HOTAIR: variants seen among roughly 807,000 people sequenced by gnomAD.
HOTAIR encodes the protein HOX transcript antisense RNA, also known as HOX transcript antisense RNA (non-protein coding).
chr12:53,963,791 C>G (rs1024758974), exon 7 of HOTAIR: 2 of 152,226 alleles, frequency 1.3e-5, no homozygotes, highest in African/African-American at 4.8e-5. Context: ...GCCCCGGCAC[C>G]CGCTCAGGTT....
At chr12:53,974,926 C>A in exon 1 of HOTAIR, 1 of 499,702 alleles carries the variant, frequency 2.0e-6, no homozygotes, top group Non-Finnish European at 3.5e-6. Context: ...GTCCCAGACC[C>A]TGTCAGCCGC....
intron 5 of HOTAIR, among the ~76,000 whole-genome samples, chr12:53,965,297 C>T (rs12315856): frequency 1.3e-5 from 2 of 152,220 alleles, no homozygotes; most frequent in African/African-American, 2.4e-5. Flanking sequence ...CCATGCCCCC[C>T]CAGCCTGAGG....
At chr12:53,966,835 G>T (rs1348987815) in intron 3 of HOTAIR, among the ~76,000 whole-genome samples, 1 of 152,110 alleles carries the variant, frequency 6.6e-6, no homozygotes, top group African/African-American at 2.4e-5. Flanking sequence ...CCGGCCCGGC[G>T]AGACCGAAAG....
intron 3 of HOTAIR, chr12:53,966,403 G>A (rs1343718372): frequency 2.6e-5 from 4 of 152,238 alleles, no homozygotes; most frequent in African/African-American, 9.7e-5. Flanking sequence ...AAAATTAAAC[G>A]TCATAAAGAA....
At chr12:53,965,328 C>T (rs1939032027) in intron 5 of HOTAIR, among the ~76,000 whole-genome samples, 1 of 152,246 alleles carries the variant, frequency 6.6e-6, no homozygotes, top group South Asian at 2.1e-4. Context: ...AGTCCAAGGC[C>T]ACTAGGGTCA....
chr12:53,968,491 G>A (rs1939092808), intron 2 of HOTAIR: 2 of 152,246 alleles, frequency 1.3e-5, no homozygotes, highest in Admixed American at 1.3e-4. Flanking sequence ...CTCAACTTCT[G>A]ACTGTAGTGA....
Position 53,973,923 on chromosome 12 carries a change from A to G in HOTAIR, n.59+975T>C. ...GGAGCCGGCCAAAGGAGCCGCCCCC[A>G]GTAGGTAGCAGCGGCCGGGGAACGG... On this transcript the variant is annotated intron_variant and non_coding_transcript_variant, in intron 1 of 6. Transcript: ENST00000424518. This position sits in a 1 kb window ranked among gnomAD's most constrained non-coding sequence, Gnocchi z 4.3. 1 of 1,436,186 alleles carries G rather than the reference A, an allele frequency of 7.0e-7. No homozygotes were observed. Among genetic ancestry groups the G allele is most frequent in the Non-Finnish European group, 9.2e-7 (1 of 1,092,502 alleles). The allele number at this position is 1,436,186 out of a possible 1,614,324, so 89.0% of individuals were successfully genotyped here.
intron 1 of HOTAIR, among the ~76,000 whole-genome samples, chr12:53,969,933 A>G (rs942919578): frequency 1.3e-5 from 2 of 152,218 alleles, no homozygotes; most frequent in African/African-American, 2.4e-5. Context: ...GGAGGCCCCA[A>G]CGCTGTGTGC....
chr12:53,970,525 T>C (rs1939132152), intron 1 of HOTAIR, among the ~76,000 whole-genome samples: 1 of 152,212 alleles, frequency 6.6e-6, no homozygotes, highest in East Asian at 1.9e-4. Flanking sequence ...TAGAGGTTTT[T>C]TGATTTGTTG....
rs1327023817 is a variant in HOTAIR, at chr12:53,969,316, A to G, written n.60-560T>C. 3.9e-5 allele frequency among the ~76,000 whole-genome samples: 6 copies of G among 152,322 alleles called. No individual in the cohort carries two copies. In the East Asian group the frequency reaches 1.2e-3, roughly 29 times the overall value. ...GAAGAAATAGGGTCGGGTTGCTAGC[A>G]TCCTGGGACAATCTCTCCACAGAGG... On this transcript the variant is annotated intron_variant and non_coding_transcript_variant, in intron 1 of 6. Transcript: ENST00000424518.
In HOTAIR at chr12:53,973,156, A is replaced by G; in HGVS notation, n.59+1742T>C. On this transcript the variant is annotated intron_variant and non_coding_transcript_variant, in intron 1 of 6. Coordinates refer to ENST00000424518, the Ensembl canonical transcript of HOTAIR. The surrounding 1 kb of genome is among the most constrained non-coding windows in gnomAD (Gnocchi z 4.3). ...CAGAGAGAGAGAGACTAAGACGGAT[A>G]ACGCGTCATCTCGCCTTCCCAAATT... 1.0e-6 allele frequency: 1 copy of G among 974,888 alleles called. No homozygotes were observed. 60.4% of individuals were successfully genotyped at this position (974,888 alleles called of 1,614,324 possible).
chr12:53,973,416 A>C lies in HOTAIR; in HGVS notation n.59+1482T>G. ...CCTGCCCCAGGCCCCCTCTCGTCAG[A>C]TCTCCTATCCCTACTCGGCCCAAGT... On this transcript the variant is annotated intron_variant and non_coding_transcript_variant, in intron 1 of 6. Coordinates refer to ENST00000424518, the Ensembl canonical transcript of HOTAIR. The surrounding 1 kb of genome is among the most constrained non-coding windows in gnomAD (Gnocchi z 4.3). 6.2e-7 allele frequency: 1 copy of C among 1,613,852 alleles called. No homozygotes were observed. The highest frequency in any genetic ancestry group is 2.2e-5 in the East Asian group (1 of 44,840).
rs1244870714 is a variant in HOTAIR, at chr12:53,965,233, A to G, written n.551+731T>C. Among the ~76,000 whole-genome samples the G allele has an allele frequency of 3.9e-5, 6 of 152,266 alleles. No homozygotes were observed. In the East Asian group the frequency reaches 1.2e-3, roughly 29 times the overall value. ...AGAGAAGGGTGAACCACAATTTGGT[A>G]CTTGAACTCTGCTCCCCTCCCCATA... On this transcript the variant is annotated intron_variant and non_coding_transcript_variant, in intron 5 of 6. Transcript: ENST00000424518.
intron 4 of HOTAIR, chr12:53,966,215 C>T (rs1939050202): frequency 6.6e-6 from 1 of 152,116 alleles, no homozygotes; most frequent in Admixed American, 6.6e-5. Flanking sequence ...CCCTTCCCTC[C>T]CTCCTTCCTC....
In HOTAIR at chr12:53,973,248, A is replaced by G. The variant is rs1310789581; in HGVS notation, n.59+1650T>C. On this transcript the variant is annotated intron_variant and non_coding_transcript_variant, in intron 1 of 6. Coordinates refer to ENST00000424518, the Ensembl canonical transcript of HOTAIR. The surrounding 1 kb of genome is among the most constrained non-coding windows in gnomAD (Gnocchi z 4.3). ...CCGGCAGGAGAGGAGAACGATGTTT[A>G]ACTCGGTCAACCTGGGCAACTTCTG... 6.3e-7 allele frequency: 1 copy of G among 1,594,504 alleles called. No individual in the cohort carries two copies. The highest frequency in any genetic ancestry group is 1.1e-5 in the South Asian group (1 of 87,682).
At chr12:53,971,128 C>T (rs1330163968) in intron 1 of HOTAIR, among the ~76,000 whole-genome samples, 1 of 152,170 alleles carries the variant, frequency 6.6e-6, no homozygotes, top group Non-Finnish European at 1.5e-5. Flanking sequence ...ATGCTGGCCC[C>T]ATCTCACTCT....
rs1237833961 is a variant in HOTAIR, at chr12:53,973,257, A to G, written n.59+1641T>C. The G allele has an allele frequency of 6.9e-6, 11 of 1,605,508 alleles. No individual in the cohort carries two copies. Among genetic ancestry groups the G allele is most frequent in the Non-Finnish European group, 9.3e-6 (11 of 1,176,742 alleles). On this transcript the variant is annotated intron_variant and non_coding_transcript_variant, in intron 1 of 6. Transcript: ENST00000424518. The surrounding 1 kb of genome is among the most constrained non-coding windows in gnomAD (Gnocchi z 4.3). ...GAGGAGAACGATGTTTAACTCGGTC[A>G]ACCTGGGCAACTTCTGCTCTCCGTC...
Position 53,973,598 on chromosome 12 carries a change from C to T in HOTAIR, n.59+1300G>A, listed in dbSNP as rs1939188015. ...CCGAGATCCTCATGAAAAACGAAGG[C>T]TCCTACGGCGGCCACCACCACCCCA... On this transcript the variant is annotated intron_variant and non_coding_transcript_variant, in intron 1 of 6. Transcript: ENST00000424518. This position sits in a 1 kb window ranked among gnomAD's most constrained non-coding sequence, Gnocchi z 4.3. The T allele has an allele frequency of 2.5e-6, 4 of 1,613,502 alleles. No individual in the cohort carries two copies. Among genetic ancestry groups the T allele is most frequent in the Admixed American group, 1.7e-5 (1 of 59,998 alleles).
intron 1 of HOTAIR, among the ~76,000 whole-genome samples, chr12:53,974,315 G>A (rs1438607163): frequency 2.6e-5 from 4 of 151,878 alleles, no homozygotes; most frequent in Non-Finnish European, 5.9e-5. Flanking sequence ...GTGGGGAGGA[G>A]GGGAGGGGTG....
Sources: gnomAD v4.1 joint callset for allele counts (sites outside exome capture counted in the v4.1 genomes callset) on GRCh38, gnomAD v4.1.1 for gene constraint, Gnocchi (gnomAD v3.1) non-coding constraint, MANE v1.5 for transcripts, NCBI Gene and HGNC (gene_info 2026-07-23, HGNC 2026-07-21) for gene names.